Variants in LINGO2 observed in about 807,000 individuals in gnomAD.
The protein encoded by LINGO2 is leucine rich repeat and Ig domain containing 2.
LINGO2 carries 14 observed loss-of-function variants against 30.6 expected under a neutral mutation model. That is an observed-to-expected ratio of 0.46 (90% CI 0.30 to 0.72). LINGO2 has a LOEUF of 0.72. Among genes scored for constraint, LINGO2 ranks in the 30% least tolerant of loss-of-function variants. The pLI, the probability that LINGO2 is intolerant of heterozygous loss-of-function variation, is 0.07. For synonymous variants in LINGO2, 317 were observed against 288.5 expected (o/e 1.10, Z -1.00); for missense variants, 729 against 751.7 (o/e 0.97, Z 0.35).
At chr9:28,957,152 C>T in the LINGO2 span, among the ~76,000 whole-genome samples, 9 of 152,220 alleles carry the variant, frequency 5.9e-5, no homozygotes, top group African/African-American at 1.7e-4. Flanking sequence ...TACTTAGTCT[C>T]TTTGGATATC....
intron 4 of LINGO2, among the ~76,000 whole-genome samples, chr9:28,100,711 T>A (rs941342842): frequency 5.3e-5 from 8 of 152,158 alleles, no homozygotes; most frequent in Non-Finnish European, 1.0e-4. Flanking sequence ...ACCTTATTCA[T>A]CTCAGGGATT....
chr9:29,115,376 G>A, the LINGO2 span, among the ~76,000 whole-genome samples: 2 of 152,018 alleles, frequency 1.3e-5, no homozygotes, highest in South Asian at 2.1e-4. Context: ...TTTGAGGCAG[G>A]TAAAGTGTTC....
chr9:28,155,563 T>C (rs1490268918), intron 4 of LINGO2, among the ~76,000 whole-genome samples: 1 of 152,198 alleles, frequency 6.6e-6, no homozygotes, highest in Non-Finnish European at 1.5e-5. Context: ...TGAAGTTTTT[T>C]CTAAAATATG....
chr9:28,585,510 G>GT (rs1824486440), intron 1 of LINGO2, among the ~76,000 whole-genome samples: 1 of 151,948 alleles, frequency 6.6e-6, no homozygotes, highest in Non-Finnish European at 1.5e-5. Context: ...CCATACTTCA[G>GT]TACAGTATTA....
At chr9:28,223,786 G>A (rs1441937756) in intron 4 of LINGO2, among the ~76,000 whole-genome samples, 3 of 152,048 alleles carry the variant, frequency 2.0e-5, no homozygotes, top group African/African-American at 7.2e-5. Flanking sequence ...GAAATAAAGA[G>A]AGAAAAAAGA....
chr9:28,371,631 G>T lies in LINGO2; in HGVS notation c.-246+1205C>A, dbSNP rs534632202. Among the ~76,000 whole-genome samples, 11 of 152,260 alleles carry T rather than the reference G, an allele frequency of 7.2e-5. No homozygotes were observed. In the East Asian group the frequency reaches 2.1e-3, roughly 29 times the overall value. On this transcript the variant is annotated intron_variant, in intron 3 of 5. Coordinates refer to ENST00000379992, the Ensembl canonical transcript of LINGO2. ...AAAAACATTCAGGCCATAGTACCTTGTCACTGCAGGGCTACGCTGTACCTT... is the reference window on the plus strand; with the variant it reads ...AAAAACATTCAGGCCATAGTACCTTTTCACTGCAGGGCTACGCTGTACCTT...
the LINGO2 span, among the ~76,000 whole-genome samples, chr9:28,841,638 A>C: frequency 6.6e-6 from 1 of 151,784 alleles, no homozygotes; most frequent in East Asian, 1.9e-4. Context: ...AAAGCAGAAT[A>C]TTAGATTAGA....
At chr9:28,845,209 G>A in the LINGO2 span, among the ~76,000 whole-genome samples, 4 of 151,986 alleles carry the variant, frequency 2.6e-5, no homozygotes, top group Admixed American at 1.3e-4. Flanking sequence ...TTGACAGTGC[G>A]ATGTGTCCAG....
chr9:28,691,153 T>A, the LINGO2 span, among the ~76,000 whole-genome samples: 3 of 152,200 alleles, frequency 2.0e-5, no homozygotes, highest in Non-Finnish European at 4.4e-5. Flanking sequence ...ACCAAAAGAA[T>A]TATTCTCTGA....
chr9:28,457,096 AG>A (rs1824880755), intron 2 of LINGO2, among the ~76,000 whole-genome samples: 1 of 152,148 alleles, frequency 6.6e-6, no homozygotes, highest in East Asian at 1.9e-4. Context: ...AGCTAATTCC[AG>A]AAGCAAGACA....
intron 4 of LINGO2, among the ~76,000 whole-genome samples, chr9:28,200,137 C>G (rs1036852897): frequency 1.3e-5 from 2 of 152,030 alleles, no homozygotes; most frequent in Non-Finnish European, 2.9e-5. Flanking sequence ...TCACAAATAA[C>G]AGAGTATTGT....
intron 1 of LINGO2, among the ~76,000 whole-genome samples, chr9:28,532,823 T>C (rs530290473): frequency 6.6e-6 from 1 of 152,212 alleles, no homozygotes; most frequent in South Asian, 2.1e-4. Context: ...TGAGAGTTCC[T>C]GTAAATTGGG....
At chr9:29,148,916 G>A in the LINGO2 span, among the ~76,000 whole-genome samples, 1 of 152,112 alleles carries the variant, frequency 6.6e-6, no homozygotes, top group Non-Finnish European at 1.5e-5. Context: ...AATATTTAAG[G>A]CTTTATTATA....
At chr9:28,935,148 G>A in the LINGO2 span, among the ~76,000 whole-genome samples, 2 of 152,016 alleles carry the variant, frequency 1.3e-5, no homozygotes, top group Admixed American at 6.6e-5. Flanking sequence ...ACAAATTCCT[G>A]GGAGACATTT....
the LINGO2 span, among the ~76,000 whole-genome samples, chr9:29,053,165 A>G: frequency 6.6e-6 from 1 of 152,124 alleles, no homozygotes; most frequent in East Asian, 1.9e-4. Context: ...ACATATGGAA[A>G]TCTGCAATTA....
chr9:28,919,252 T>C, the LINGO2 span, among the ~76,000 whole-genome samples: 3 of 152,126 alleles, frequency 2.0e-5, no homozygotes, highest in Non-Finnish European at 2.9e-5. Flanking sequence ...TAACCTATCA[T>C]GCAGTCATGC....
At chr9:27,994,079 GAAACTTAA>G (rs1409578203) in intron 5 of LINGO2, among the ~76,000 whole-genome samples, 7 of 151,826 alleles carry the variant, frequency 4.6e-5, no homozygotes, top group Non-Finnish European at 1.0e-4. Flanking sequence ...AATTAAGAAG[GAAACTTAA>G]AAATTTCTTG....
intron 1 of LINGO2, among the ~76,000 whole-genome samples, chr9:28,543,574 A>G (rs1249831827): frequency 1.3e-5 from 2 of 152,076 alleles, no homozygotes; most frequent in Non-Finnish European, 2.9e-5. Flanking sequence ...AAGCCCAGAA[A>G]CAGTGACAAA....
chr9:28,537,152 C>T (rs1821469375), intron 1 of LINGO2, among the ~76,000 whole-genome samples: 1 of 152,092 alleles, frequency 6.6e-6, no homozygotes, highest in Admixed American at 6.6e-5. Flanking sequence ...ACGAAAGAAG[C>T]ATGAAAAATA....
Sources: gnomAD v4.1 joint callset for allele counts (sites outside exome capture counted in the v4.1 genomes callset) on GRCh38, gnomAD v4.1.1 for gene constraint, MANE v1.5 for transcripts, NCBI Gene and HGNC (gene_info 2026-07-23, HGNC 2026-07-21) for gene names.